The following MAF variants were observed in gnomAD, a reference collection of about 807,000 sequenced individuals.
MAF encodes transcription factor Maf.
In MAF, 10 loss-of-function variants were observed where a neutral mutation model predicts 22.0. The observed-to-expected ratio is 0.45, with a 90% confidence interval of 0.28 to 0.77. MAF has a LOEUF of 0.77. Among genes scored for constraint, MAF ranks in the 30% least tolerant of loss-of-function variants. The pLI is 0.12. For missense variants in MAF, 544 were observed against 548.4 expected, an observed-to-expected ratio of 0.99 and a Z score of 0.08; for synonymous variants, 337 against 255.8, an observed-to-expected ratio of 1.32 and a Z score of -3.03.
At chr16:79,463,261 G>C in the MAF span, among the ~76,000 whole-genome samples, 13 of 152,090 alleles carry the variant, frequency 8.5e-5, no homozygotes, top group Non-Finnish European at 1.3e-4. Context: ...GTAGGAGTTG[G>C]GCTTTCACCC....
At chr16:79,219,047 G>C in the MAF span, among the ~76,000 whole-genome samples, 14 of 152,210 alleles carry the variant, frequency 9.2e-5, no homozygotes, top group Non-Finnish European at 1.5e-4. Flanking sequence ...CACTTAGAAA[G>C]AAGTGTCTTG....
the MAF span, among the ~76,000 whole-genome samples, chr16:79,578,692 C>T: frequency 1.3e-5 from 2 of 152,038 alleles, no homozygotes; most frequent in Non-Finnish European, 2.9e-5. Flanking sequence ...AAGTTGAAAC[C>T]CAATGGTCCT....
At chr16:79,397,451 T>C in the MAF span, among the ~76,000 whole-genome samples, 7 of 152,368 alleles carry the variant, frequency 4.6e-5, no homozygotes, top group South Asian at 1.4e-3. Context: ...TCATATTTTT[T>C]TCATTCTAAT....
At chr16:79,519,786 G>C in the MAF span, among the ~76,000 whole-genome samples, 2 of 152,250 alleles carry the variant, frequency 1.3e-5, no homozygotes, top group Non-Finnish European at 2.9e-5. Context: ...TGAACCCTGT[G>C]TTCACAGCGC....
the MAF span, among the ~76,000 whole-genome samples, chr16:79,435,085 C>T: frequency 1.3e-5 from 2 of 152,190 alleles, no homozygotes; most frequent in Non-Finnish European, 2.9e-5. Flanking sequence ...TCTGTTTTGT[C>T]CTAGACTGGC....
the MAF span, among the ~76,000 whole-genome samples, chr16:79,449,605 G>A: frequency 5.3e-5 from 8 of 152,166 alleles, no homozygotes; most frequent in Admixed American, 2.0e-4. Flanking sequence ...CTACAACGCC[G>A]GCCTACAGCA....
the MAF span, among the ~76,000 whole-genome samples, chr16:79,507,085 T>G: frequency 6.6e-6 from 1 of 151,126 alleles, no homozygotes; most frequent in Non-Finnish European, 1.5e-5. Flanking sequence ...TATTTAAAAA[T>G]AAACCATGCT....
the MAF span, among the ~76,000 whole-genome samples, chr16:79,234,800 G>T: frequency 6.6e-6 from 1 of 152,084 alleles, no homozygotes; most frequent in Non-Finnish European, 1.5e-5. Flanking sequence ...AGGTGGGTAG[G>T]ATCTGATTCA....
the MAF span, among the ~76,000 whole-genome samples, chr16:79,490,163 T>G: frequency 6.6e-6 from 1 of 152,182 alleles, no homozygotes; most frequent in African/African-American, 2.4e-5. Context: ...CGATGACCCA[T>G]CAGGGAACCC....
chr16:79,426,858 T>C, the MAF span, among the ~76,000 whole-genome samples: 3 of 152,140 alleles, frequency 2.0e-5, no homozygotes, highest in Non-Finnish European at 4.4e-5. Context: ...ATAGGGTGTA[T>C]AATAAAATCC....
chr16:79,560,742 C>T, the MAF span, among the ~76,000 whole-genome samples: 2 of 152,256 alleles, frequency 1.3e-5, no homozygotes, highest in Middle Eastern at 3.4e-3. Context: ...GCTACTCATC[C>T]AGAGAGGCCA....
At chr16:79,275,957 C>A in the MAF span, among the ~76,000 whole-genome samples, 12 of 152,004 alleles carry the variant, frequency 7.9e-5, no homozygotes, top group Non-Finnish European at 1.6e-4. Flanking sequence ...CTGGCTAACA[C>A]GGTGAAATCC....
At chr16:79,574,354 G>C in the MAF span, among the ~76,000 whole-genome samples, 1 of 152,130 alleles carries the variant, frequency 6.6e-6, no homozygotes, top group Non-Finnish European at 1.5e-5. Flanking sequence ...ATATTTTATT[G>C]GTATCTGCAG....
At chr16:79,410,673 G>A in the MAF span, among the ~76,000 whole-genome samples, 1 of 152,226 alleles carries the variant, frequency 6.6e-6, no homozygotes, top group Non-Finnish European at 1.5e-5. Flanking sequence ...AGAAAAAAGA[G>A]TAGAGTGAAT....
the MAF span, among the ~76,000 whole-genome samples, chr16:79,543,368 T>A: frequency 1.6e-3 from 248 of 152,264 alleles, 1 homozygote; most frequent in Non-Finnish European, 2.9e-3. Context: ...CCCACTTATC[T>A]CATACACAAA....
At chr16:79,580,512 G>A in the MAF span, among the ~76,000 whole-genome samples, 1 of 152,178 alleles carries the variant, frequency 6.6e-6, no homozygotes, top group Non-Finnish European at 1.5e-5. Flanking sequence ...GAAAAACATC[G>A]AAGATGCAGA....
chr16:79,555,383 C>T, the MAF span, among the ~76,000 whole-genome samples: 1 of 152,152 alleles, frequency 6.6e-6, no homozygotes, highest in Non-Finnish European at 1.5e-5. Flanking sequence ...TACCTGATCC[C>T]TTCTCACCTC....
the MAF span, among the ~76,000 whole-genome samples, chr16:79,414,465 T>C: frequency 2.0e-5 from 3 of 152,192 alleles, no homozygotes; most frequent in Admixed American, 2.0e-4. Flanking sequence ...AACTCATTAT[T>C]ACTGTGAGGA....
At chr16:79,413,013 T>C in the MAF span, among the ~76,000 whole-genome samples, 3 of 152,106 alleles carry the variant, frequency 2.0e-5, no homozygotes, top group African/African-American at 7.2e-5. Flanking sequence ...AGTGACAAAC[T>C]TGGATAAACA....
Sources: gnomAD v4.1 joint callset for allele counts (sites outside exome capture counted in the v4.1 genomes callset) on GRCh38, gnomAD v4.1.1 for gene constraint, MANE v1.5 for transcripts, NCBI Gene and HGNC (gene_info 2026-07-23, HGNC 2026-07-21) for gene names.